The following COL28A1 variants were observed in gnomAD, a reference collection of about 807,000 sequenced individuals.
The protein encoded by COL28A1 is collagen type XXVIII alpha 1 chain, also known as collagen alpha-1(XXVIII) chain.
COL28A1 carries 161 observed loss-of-function variants against 150.2 expected under a neutral mutation model. That is an observed-to-expected ratio of 1.07 (90% confidence interval 0.94 to 1.22). COL28A1 has a LOEUF of 1.22. Among genes scored for constraint, COL28A1 ranks in the 50% most tolerant of loss-of-function variants. The pLI, the probability that COL28A1 is intolerant of heterozygous loss-of-function variation, is 0.00. For missense variants in COL28A1, 1,617 were observed against 1,388.3 expected (o/e 1.16, Z -2.62); for synonymous variants, 552 against 469.7 (o/e 1.18, Z -2.26).
intron 31 of COL28A1, among the ~76,000 whole-genome samples, chr7:7,374,533 T>G (rs1194269872): frequency 1.3e-5 from 2 of 152,126 alleles, no homozygotes; most frequent in Non-Finnish European, 2.9e-5. Context: ...CCGAGAACAC[T>G]AGTCAATTTA....
intron 27 of COL28A1, among the ~76,000 whole-genome samples, chr7:7,383,331 T>G (rs958003785): frequency 1.3e-5 from 2 of 149,470 alleles, no homozygotes; most frequent in African/African-American, 2.5e-5. Context: ...CAGGTTGGAG[T>G]GCAGTGGTGT....
chr7:7,530,554 C>A (rs1210683392), intron 3 of COL28A1, among the ~76,000 whole-genome samples: 1 of 152,194 alleles, frequency 6.6e-6, no homozygotes, highest in Non-Finnish European at 1.5e-5. Flanking sequence ...CAGTTTTTAA[C>A]ACTCAGCCAA....
intron 11 of COL28A1, among the ~76,000 whole-genome samples, chr7:7,495,596 G>T (rs184001784): frequency 6.6e-5 from 10 of 152,206 alleles, no homozygotes; most frequent in Non-Finnish European, 1.2e-4. Context: ...TGGGAACCTA[G>T]GGGTCATTCA....
intron 25 of COL28A1, chr7:7,431,655 G>C (rs1325846016): frequency 2.1e-6 from 1 of 470,920 alleles, no homozygotes; most frequent in African/African-American, 2.0e-5. Flanking sequence ...GTCTGAAAGA[G>C]AAGCCACCAG....
chr7:7,350,774 A>C, the COL28A1 span, among the ~76,000 whole-genome samples: 1 of 149,856 alleles, frequency 6.7e-6, no homozygotes, highest in Non-Finnish European at 1.5e-5. Context: ...AGCACTCCTT[A>C]TTAAGACGTA....
intron 11 of COL28A1, among the ~76,000 whole-genome samples, chr7:7,492,031 T>A (rs1330998989): frequency 1.3e-5 from 2 of 152,176 alleles, no homozygotes; most frequent in Non-Finnish European, 2.9e-5. Context: ...GAACACTCTT[T>A]ATGTTTCAGC....
At chr7:7,366,318 C>T (rs1391177939) in intron 33 of COL28A1, among the ~76,000 whole-genome samples, 1 of 151,996 alleles carries the variant, frequency 6.6e-6, no homozygotes, top group Non-Finnish European at 1.5e-5. Context: ...AGATGCATCC[C>T]AATTTCAGAA....
intron 10 of COL28A1, 32 bp downstream of exon 10, chr7:7,507,085 T>A (rs200470307): frequency 1.0e-6 from 1 of 979,894 alleles, no homozygotes; most frequent in Admixed American, 1.7e-5. Flanking sequence ...GTGATTCTAA[T>A]TCAAACTTAG....
chr7:7,447,695 A>G (rs1786366326), intron 18 of COL28A1, among the ~76,000 whole-genome samples: 1 of 152,172 alleles, frequency 6.6e-6, no homozygotes, highest in South Asian at 2.1e-4. Context: ...ATTATGATGT[A>G]TGAGATAAAA....
At chr7:7,441,118 C>G (rs1046620849) in intron 20 of COL28A1, among the ~76,000 whole-genome samples, 7 of 152,146 alleles carry the variant, frequency 4.6e-5, no homozygotes, top group East Asian at 1.9e-4. Flanking sequence ...TCTTTTGGAA[C>G]TTTTGTTTGA....
At chr7:7,477,235 A>G in intron 13 of COL28A1, 55 bp from the exon 14 acceptor site, 2 of 841,968 alleles carry the variant, frequency 2.4e-6, no homozygotes, top group Non-Finnish European at 4.1e-6. Context: ...GGGAAAGAGG[A>G]GTGATGAAAA....
intron 27 of COL28A1, among the ~76,000 whole-genome samples, chr7:7,387,659 A>G (rs1032004662): frequency 6.6e-6 from 1 of 152,186 alleles, no homozygotes; most frequent in South Asian, 2.1e-4. Flanking sequence ...AATCTGGGTA[A>G]AGGATATATA....
chr7:7,442,278 C>T (rs537130927), intron 20 of COL28A1, among the ~76,000 whole-genome samples: 2 of 152,246 alleles, frequency 1.3e-5, no homozygotes, highest in South Asian at 4.1e-4. Flanking sequence ...TACCATTCTG[C>T]CTATTCTGTA....
At position 7,423,205 on chromosome 7, in the gene COL28A1, T is replaced by C. The variant is rs146652442; in HGVS notation, c.1999-3252A>G. ...ATGTCTGAGGATTGCTTCAGGATAA[T>C]GTGGTGAGGGGAGGAGTGAAGAATA... On this transcript the variant is annotated intron_variant, in intron 25 of 34. Coordinates refer to ENST00000399429, the MANE Select transcript of COL28A1 (RefSeq NM_001037763.3). Among the ~76,000 whole-genome samples, 743 of 152,294 alleles carry C rather than the reference T, an allele frequency of 4.9e-3. 9 individuals are homozygous for C. The highest frequency in any genetic ancestry group is 0.028 in the East Asian group (146 of 5,190).
chr7:7,393,023 G>A (rs574042448), intron 27 of COL28A1, among the ~76,000 whole-genome samples: 32 of 152,238 alleles, frequency 2.1e-4, no homozygotes, highest in African/African-American at 6.5e-4. Context: ...CCTTGCTGGC[G>A]AGGAGTTGTG....
At chr7:7,483,853 A>G (rs997631195) in intron 13 of COL28A1, among the ~76,000 whole-genome samples, 14 of 152,160 alleles carry the variant, frequency 9.2e-5, no homozygotes, top group Non-Finnish European at 1.5e-4. Flanking sequence ...TAGTTAATAA[A>G]AGGCAGATTT....
At chr7:7,466,049 TCTC>T (rs1788056829) in intron 15 of COL28A1, among the ~76,000 whole-genome samples, 1 of 130,244 alleles carries the variant, frequency 7.7e-6, no homozygotes, top group Admixed American at 8.1e-5. Flanking sequence ...GCAGAGCGCC[TCTC>T]CTCCTCCAAA....
intron 33 of COL28A1, among the ~76,000 whole-genome samples, chr7:7,368,759 C>A: frequency 6.6e-6 from 1 of 152,190 alleles, no homozygotes; most frequent in East Asian, 1.9e-4. Flanking sequence ...TTCCCAACCT[C>A]CAGAACTGTG....
chr7:7,540,548 C>A (rs1400482602), upstream of COL28A1, among the ~76,000 whole-genome samples: 2 of 152,172 alleles, frequency 1.3e-5, no homozygotes, highest in African/African-American at 4.8e-5. Context: ...CAGTGAGGGA[C>A]TAAAATTTAG....
Sources: gnomAD v4.1 joint callset for allele counts (sites outside exome capture counted in the v4.1 genomes callset) on GRCh38, gnomAD v4.1.1 for gene constraint, MANE v1.5 for transcripts, NCBI Gene and HGNC (gene_info 2026-07-23, HGNC 2026-07-21) for gene names.